ZNF704: variants seen among roughly 807,000 people sequenced by gnomAD.
The protein encoded by ZNF704 is glucocorticoid induced gene 1.
Under a neutral mutation model 44.7 loss-of-function variants are expected in ZNF704, and 10 were observed. The observed-to-expected ratio is 0.22, with a 90% CI of 0.14 to 0.38. ZNF704 has a LOEUF of 0.38. ZNF704 is among the 10% of genes least tolerant of loss of function. The pLI is 1.00. For synonymous variants in ZNF704, 211 were observed against 207.6 expected, an observed-to-expected ratio of 1.02 and a Z score of -0.14; for missense variants, 390 against 545.5, an observed-to-expected ratio of 0.71 and a Z score of 2.84.
At position 80,744,730 on chromosome 8, in the gene ZNF704, A is replaced by G. The variant is rs569990835; in HGVS notation, c.222-51623T>C. On this transcript the variant is annotated intron_variant, in intron 2 of 8. Transcript: ENST00000327835. ...TCAAAATAATGTGCTTAACTAATGG[A>G]CCATCCCTTTTACCATTGGGGAGGC... is the stretch of plus-strand genomic sequence containing the variant. Among the ~76,000 whole-genome samples the G allele has an allele frequency of 3.3e-5, 5 of 152,306 alleles. No individual in the cohort carries two copies. The South Asian group carries it at 1.0e-3, about 32-fold the overall frequency.
At chr8:80,831,806 A>AG (rs1444148881) in intron 1 of ZNF704, among the ~76,000 whole-genome samples, 3 of 152,238 alleles carry the variant, frequency 2.0e-5, no homozygotes, top group Non-Finnish European at 4.4e-5. Flanking sequence ...AGAAACTGAC[A>AG]GCTTCCTGTA....
At chr8:80,722,082 C>T (rs886590236) in intron 2 of ZNF704, among the ~76,000 whole-genome samples, 1 of 151,948 alleles carries the variant, frequency 6.6e-6, no homozygotes, top group African/African-American at 2.4e-5. Flanking sequence ...ACAATAAATA[C>T]AAAAAAACGT....
intron 1 of ZNF704, among the ~76,000 whole-genome samples, chr8:80,873,282 A>G (rs1191421838): frequency 6.6e-6 from 1 of 151,904 alleles, no homozygotes; most frequent in Non-Finnish European, 1.5e-5. Flanking sequence ...CGGCACCCAC[A>G]CCAAACAACA....
rs1321587864 is a variant in ZNF704 at position 80,824,331 on chromosome 8, T to C, written c.-21-2716A>G. 2.0e-5 allele frequency among the ~76,000 whole-genome samples: 3 copies of C among 152,078 alleles called. No individual in the cohort carries two copies. The East Asian group carries it at 5.8e-4, about 29-fold the overall frequency. On this transcript the variant is annotated intron_variant, in intron 1 of 8. Coordinates refer to ENST00000327835, the MANE Select transcript of ZNF704 (RefSeq NM_001033723.3). ...CAAGTGGAAAAAAGGGTATCAGTGA[T>C]TGAAGCTCAAATGAATGAAATGAAG...
chr8:80,784,037 A>G (rs1224971644), intron 2 of ZNF704, among the ~76,000 whole-genome samples: 4 of 151,986 alleles, frequency 2.6e-5, no homozygotes, highest in African/African-American at 4.8e-5. Context: ...AGCTTCTTCC[A>G]TATCTTTTCT....
chr8:80,746,858 C>T (rs1163081106), intron 2 of ZNF704, among the ~76,000 whole-genome samples: 1 of 152,068 alleles, frequency 6.6e-6, no homozygotes, highest in Non-Finnish European at 1.5e-5. Context: ...AAGGTCCTCA[C>T]AATTCACATT....
At chr8:80,784,160 CATTCACCT>C (rs1462808823) in intron 2 of ZNF704, among the ~76,000 whole-genome samples, 2 of 152,126 alleles carry the variant, frequency 1.3e-5, no homozygotes, top group Admixed American at 6.5e-5. Flanking sequence ...ACAGTTTATC[CATTCACCT>C]ACTGAAGGAC....
At chr8:80,668,785 T>C (rs2131614004) in intron 5 of ZNF704, among the ~76,000 whole-genome samples, 1 of 152,284 alleles carries the variant, frequency 6.6e-6, no homozygotes, top group South Asian at 2.1e-4. Context: ...CACCAGCTAA[T>C]ACTCATTAAA....
At chr8:80,660,484 A>C (rs1818083735) in intron 6 of ZNF704, among the ~76,000 whole-genome samples, 2 of 152,060 alleles carry the variant, frequency 1.3e-5, no homozygotes, top group Non-Finnish European at 2.9e-5. Context: ...AAAAAAAAAA[A>C]AAACCTGGAA....
At chr8:80,865,851 C>T (rs959532263) in intron 1 of ZNF704, among the ~76,000 whole-genome samples, 2 of 152,074 alleles carry the variant, frequency 1.3e-5, no homozygotes, top group Admixed American at 6.6e-5. Flanking sequence ...CTGCAAAGTT[C>T]TGACTTTCAA....
At chr8:80,648,754 A>G (rs969631194) in intron 7 of ZNF704, among the ~76,000 whole-genome samples, 1 of 152,166 alleles carries the variant, frequency 6.6e-6, no homozygotes, top group Non-Finnish European at 1.5e-5. Context: ...CAACAACCCT[A>G]TCATAGCCAT....
chr8:80,717,464 C>T (rs1314186057), intron 2 of ZNF704, among the ~76,000 whole-genome samples: 1 of 152,218 alleles, frequency 6.6e-6, no homozygotes, highest in African/African-American at 2.4e-5. Context: ...TTCCGTAACT[C>T]AATTTTCTCA....
rs926159083 is a variant in ZNF704, at chr8:80,629,480, G to A, written c.*11886C>T. ...GACACTGAAGAGAACCAGAATGACA[G>A]AAATGGAGTTCTTTATTTCCACATT... On this transcript the variant is annotated 3_prime_UTR_variant, in exon 9 of 9. Coordinates refer to ENST00000327835, the MANE Select transcript of ZNF704 (RefSeq NM_001033723.3). 10 of 152,180 alleles carry A rather than the reference G, an allele frequency of 6.6e-5. No individual in the cohort carries two copies. Among genetic ancestry groups the A allele is most frequent in the African/African-American group, 2.2e-4 (9 of 41,442 alleles). The allele number at this position is 152,180 out of a possible 1,614,324, so 9.4% of individuals were successfully genotyped here. A position where few individuals can be genotyped will look rare whatever the true frequency, so the allele number is the denominator to read the frequency against.
At chr8:80,724,035 T>C (rs1207373049) in intron 2 of ZNF704, among the ~76,000 whole-genome samples, 1 of 152,248 alleles carries the variant, frequency 6.6e-6, no homozygotes, top group Non-Finnish European at 1.5e-5. Context: ...GTATTATATT[T>C]ACGCAAGTAA....
At chr8:80,715,487 G>A (rs779887943) in intron 2 of ZNF704, among the ~76,000 whole-genome samples, 1 of 152,186 alleles carries the variant, frequency 6.6e-6, no homozygotes, top group Non-Finnish European at 1.5e-5. Context: ...TAAGCCCTCT[G>A]TATTGTGTCT....
intron 1 of ZNF704, among the ~76,000 whole-genome samples, chr8:80,846,655 T>C (rs979431981): frequency 1.3e-5 from 2 of 152,218 alleles, no homozygotes; most frequent in African/African-American, 4.8e-5. Context: ...AGTTCTTCTT[T>C]AGGTTGGACT....
At chr8:80,876,527 A>G (rs1169588974), upstream of ZNF704, among the ~76,000 whole-genome samples, 2 of 152,144 alleles carry the variant, frequency 1.3e-5, no homozygotes, top group East Asian at 1.9e-4. Context: ...GTGGAGGAGG[A>G]CAAAGGTGTG....
chr8:80,697,806 G>C (rs893218002), intron 2 of ZNF704, among the ~76,000 whole-genome samples: 3 of 152,204 alleles, frequency 2.0e-5, no homozygotes, highest in Non-Finnish European at 4.4e-5. Context: ...TGAGGGAGGA[G>C]AGCATTAGAT....
At chr8:80,687,839 A>G (rs796179921) in intron 3 of ZNF704, among the ~76,000 whole-genome samples, 1 of 152,310 alleles carries the variant, frequency 6.6e-6, no homozygotes, top group African/African-American at 2.4e-5. Flanking sequence ...TATCATTTGC[A>G]GTATTCTCCT....
Sources: gnomAD v4.1 joint callset for allele counts (sites outside exome capture counted in the v4.1 genomes callset) on GRCh38, gnomAD v4.1.1 for gene constraint, MANE v1.5 for transcripts, NCBI Gene and HGNC (gene_info 2026-07-23, HGNC 2026-07-21) for gene names.